Variants in SMUG1 observed in about 807,000 individuals in gnomAD.
SMUG1 encodes single-strand selective monofunctional uracil DNA glycosylase.
A neutral mutation model predicts 23.9 loss-of-function variants in SMUG1; 13 were observed. The observed-to-expected ratio is 0.54, with a 90% CI of 0.35 to 0.86. The LOEUF (loss-of-function observed/expected upper bound fraction) is 0.86. Ranked by LOEUF, SMUG1 falls within the 40% of genes least tolerant of loss-of-function variation. SMUG1 has a pLI of 0.01. For missense variants in SMUG1, 313 were observed against 339.5 expected, an observed-to-expected ratio of 0.92 and a Z score of 0.61; for synonymous variants, 133 against 139.8, an observed-to-expected ratio of 0.95 and a Z score of 0.34.
intron 3 of SMUG1, among the ~76,000 whole-genome samples, chr12:54,169,507 G>A (rs1404349407): frequency 1.3e-5 from 1 of 78,888 alleles, no homozygotes; most frequent in Non-Finnish European, 2.4e-5. Context: ...AGTGGGTCAG[G>A]CTTAAAAAAA....
downstream of SMUG1, among the ~76,000 whole-genome samples, chr12:54,161,704 A>G (rs564973644): frequency 3.3e-4 from 50 of 151,004 alleles, no homozygotes; most frequent in Middle Eastern, 3.4e-3. This position sits in a 1 kb window ranked among gnomAD's most constrained non-coding sequence, Gnocchi z 4.2. Context: ...CTCTACATCC[A>G]CCTGTTCTTC....
chr12:54,164,050 G>A (rs375972886), downstream of SMUG1, among the ~76,000 whole-genome samples: 17 of 152,122 alleles, frequency 1.1e-4, no homozygotes, highest in South Asian at 2.3e-3. Flanking sequence ...AGCCTGACCC[G>A]GGAGGCAGAA....
intron 4 of SMUG1, among the ~76,000 whole-genome samples, chr12:54,158,437 A>T (rs1940114612): frequency 6.6e-6 from 1 of 152,094 alleles, no homozygotes; most frequent in South Asian, 2.1e-4. Flanking sequence ...GAATCAGAAG[A>T]AATCTTGTAG....
At chr12:54,184,675 C>T (rs1941911289) in intron 2 of SMUG1, among the ~76,000 whole-genome samples, 1 of 152,194 alleles carries the variant, frequency 6.6e-6, no homozygotes, top group South Asian at 2.1e-4. Context: ...CGCCATCTTG[C>T]CTTAGATGGT....
chr12:54,171,413 C>T (rs78964404), intron 3 of SMUG1, among the ~76,000 whole-genome samples: 3 of 150,884 alleles, frequency 2.0e-5, no homozygotes, highest in Non-Finnish European at 3.0e-5. Context: ...GACTTGTGGT[C>T]GGGCGCGGTG....
chr12:54,174,635 G>C (rs545204697), intron 2 of SMUG1, among the ~76,000 whole-genome samples: 1 of 152,370 alleles, frequency 6.6e-6, no homozygotes, highest in Non-Finnish European at 1.5e-5. Context: ...GGCCTGAAAA[G>C]ATCAGGGTCA....
At chr12:54,161,186 G>A (rs1040801643), downstream of SMUG1, among the ~76,000 whole-genome samples, 2 of 151,568 alleles carry the variant, frequency 1.3e-5, no homozygotes, top group African/African-American at 4.9e-5. The surrounding 1 kb of genome is among the most constrained non-coding windows in gnomAD (Gnocchi z 4.2). Flanking sequence ...CTCCTCCCTG[G>A]GCACCCGTTT....
At chr12:54,167,734 C>A (rs565573976) in intron 3 of SMUG1, among the ~76,000 whole-genome samples, 1 of 152,208 alleles carries the variant, frequency 6.6e-6, no homozygotes, top group African/African-American at 2.4e-5. Flanking sequence ...GTCCCTTTAT[C>A]GTTCAAGGAA....
chr12:54,182,132 C>T lies in SMUG1; in HGVS notation c.777G>A (p.Leu259=). The part of the protein sequence containing the change: ...KGWEAVAKER[L]NELGLLPLLL... Reference sequence around the variant, plus strand: ...GCAGTGGCAGCAGCCCCAGCTCATTCAATCTTTCCTTGGCCACTGCCTCCC... The same window carrying T: ...GCAGTGGCAGCAGCCCCAGCTCATTTAATCTTTCCTTGGCCACTGCCTCCC... Residue 259 remains leucine, a synonymous_variant, in exon 4 of 4, where the codon TTG becomes TTA. Coordinates refer to ENST00000682136, the MANE Select transcript of SMUG1 (RefSeq NM_001243787.2). The T allele has an allele frequency of 6.4e-7, 1 of 1,567,104 alleles. No homozygotes were observed. Among genetic ancestry groups the T allele is most frequent in the African/African-American group, 1.4e-5 (1 of 73,874 alleles).
chr12:54,188,297 A>AATAAT (rs1565844612), intron 1 of SMUG1, among the ~76,000 whole-genome samples: 1 of 58,082 alleles, frequency 1.7e-5, no homozygotes, highest in African/African-American at 7.3e-5. Flanking sequence ...ATAATAATAA[A>AATAAT]TAATAATAAT....
chr12:54,185,966 C>T (rs1024026992), intron 2 of SMUG1, among the ~76,000 whole-genome samples: 1 of 152,268 alleles, frequency 6.6e-6, no homozygotes, highest in South Asian at 2.1e-4. Context: ...GCTTTGTAAA[C>T]TGCAAAGGCC....
At chr12:54,187,154 C>T (rs569137493) in intron 2 of SMUG1, 3 of 152,362 alleles carry the variant, frequency 2.0e-5, no homozygotes, top group Admixed American at 2.0e-4. Context: ...GGGTCTGTGC[C>T]CATCATATGT....
At chr12:54,174,403 G>T (rs1353027566) in intron 2 of SMUG1, among the ~76,000 whole-genome samples, 1 of 152,222 alleles carries the variant, frequency 6.6e-6, no homozygotes, top group African/African-American at 2.4e-5. Context: ...TAGGCTGGAG[G>T]GTAGATACCA....
rs1005217031 is a variant in SMUG1, at chr12:54,181,986, A to G, written c.*110T>C. 1.7e-5 allele frequency: 25 copies of G among 1,505,118 alleles called. No individual in the cohort carries two copies. In the African/African-American group the frequency reaches 3.5e-4, roughly 21 times the overall value. The allele number at this position is 1,505,118 out of a possible 1,614,324, so 93.2% of individuals were successfully genotyped here. The stretch of plus-strand genomic sequence containing the variant: ...TCAAAGAATACGTTTCCCAGCGACC[A>G]GGGTGCACAGAAGGACCTTTTGCTC... On this transcript the variant is annotated 3_prime_UTR_variant, in exon 4 of 4. Coordinates refer to ENST00000682136, the MANE Select transcript of SMUG1 (RefSeq NM_001243787.2).
At chr12:54,188,813 C>A (rs1462240365) in intron 1 of SMUG1, 138 bp downstream of exon 1, 1 of 152,140 alleles carries the variant, frequency 6.6e-6, no homozygotes, top group African/African-American at 2.4e-5. Flanking sequence ...GCTCTCCCTG[C>A]ACTGAGTCTT....
intron 2 of SMUG1, chr12:54,186,800 C>T (rs544584495): frequency 6.6e-6 from 1 of 152,364 alleles, no homozygotes; most frequent in Non-Finnish European, 1.5e-5. Context: ...TTCAATCTCC[C>T]TCCATAAGCC....
intron 2 of SMUG1, among the ~76,000 whole-genome samples, chr12:54,173,446 G>C (rs538917534): frequency 2.6e-5 from 4 of 152,048 alleles, no homozygotes; most frequent in Middle Eastern, 3.4e-3. Flanking sequence ...GGCCGGGAGC[G>C]GGGCGGGCGC....
downstream of SMUG1, among the ~76,000 whole-genome samples, chr12:54,179,505 C>T (rs952098272): frequency 1.3e-5 from 2 of 152,196 alleles, no homozygotes; most frequent in African/African-American, 4.8e-5. Context: ...TGCTCTGCAA[C>T]ATGGCGCACT....
At chr12:54,163,611 T>C (rs1283084577), downstream of SMUG1, among the ~76,000 whole-genome samples, 1 of 152,132 alleles carries the variant, frequency 6.6e-6, no homozygotes, top group Non-Finnish European at 1.5e-5. Flanking sequence ...GGAGGAGGGC[T>C]ATGTTAGTCT....
Sources: allele counts gnomAD v4.1 joint callset (sites outside exome capture counted in the v4.1 genomes callset), GRCh38; gene constraint gnomAD v4.1.1; non-coding constraint Gnocchi (gnomAD v3.1); transcripts MANE v1.5; gene names NCBI Gene and HGNC (gene_info 2026-07-23, HGNC 2026-07-21).